Variants in TRDN observed in about 807,000 individuals in gnomAD.
TRDN encodes triadin, also known as triadin in skeletal muscle.
Under a neutral mutation model 149.7 loss-of-function variants are expected in TRDN, and 161 were observed. That is an observed-to-expected ratio of 1.08 (90% confidence interval 0.95 to 1.23). The LOEUF (loss-of-function observed/expected upper bound fraction) is 1.23. Ranked by LOEUF, TRDN falls within the 50% of genes most tolerant of loss-of-function variation. The pLI is 0.00. For synonymous variants in TRDN, 294 were observed against 250.5 expected, an observed-to-expected ratio of 1.17 and a Z score of -1.64; for missense variants, 896 against 823.5, an observed-to-expected ratio of 1.09 and a Z score of -1.08.
chr6:123,218,464 C>T lies in TRDN; in HGVS notation c.*137G>A, dbSNP rs361509. On this transcript the variant is annotated 3_prime_UTR_variant, in exon 41 of 41. Transcript: ENST00000334268. ...ACTCAATCCATTTGGCCACCCTTTC[C>T]GTCCACACCAGGCCAAAGAGCAAAA... 0.44 allele frequency: 441,399 copies of T among 995,068 alleles called. 100,017 individuals carry two copies. The highest frequency in any genetic ancestry group is 0.57 in the Admixed American group (19,406 of 33,960). The allele number at this position is 995,068 out of a possible 1,614,324, so 61.6% of individuals were successfully genotyped here.
intron 2 of TRDN, among the ~76,000 whole-genome samples, chr6:123,566,443 G>A (rs891622573): frequency 6.6e-5 from 10 of 152,166 alleles, no homozygotes; most frequent in African/African-American, 2.2e-4. Flanking sequence ...AAAATAGGGG[G>A]AATTGTAAAG....
intron 15 of TRDN, 101 bp downstream of exon 15, chr6:123,382,017 A>G (rs1297048670): frequency 1.5e-5 from 12 of 781,096 alleles, no homozygotes; most frequent in South Asian, 4.3e-5. Flanking sequence ...CTTCTCCTCT[A>G]TCCCACACAT....
chr6:123,345,801 G>A (rs113102842), intron 21 of TRDN, among the ~76,000 whole-genome samples: 63 of 151,890 alleles, frequency 4.1e-4, no homozygotes, highest in South Asian at 1.2e-3. Flanking sequence ...TATGTTTTTG[G>A]TGCCAATATA....
At chr6:123,366,288 G>T in intron 19 of TRDN, 106 bp from the exon 20 acceptor site, 1 of 1,002,764 alleles carries the variant, frequency 1.0e-6, no homozygotes, top group Non-Finnish European at 1.5e-6. Context: ...TGTTGCACAT[G>T]AGAGCAAAGC....
intron 20 of TRDN, among the ~76,000 whole-genome samples, chr6:123,353,724 A>T (rs7341199): frequency 0.016 from 2,392 of 151,904 alleles, 64 homozygotes; most frequent in African/African-American, 0.054. Context: ...AAAAACAGAT[A>T]TCCAAAAATT....
At chr6:123,328,162 C>A (rs1779529547) in intron 23 of TRDN, among the ~76,000 whole-genome samples, 1 of 152,192 alleles carries the variant, frequency 6.6e-6, no homozygotes, top group Non-Finnish European at 1.5e-5. Context: ...GTTCTTCATT[C>A]CTTCTCTCAC....
intron 1 of TRDN, among the ~76,000 whole-genome samples, chr6:123,603,220 C>G (rs1358575985): frequency 1.8e-5 from 1 of 54,388 alleles, no homozygotes; most frequent in South Asian, 5.6e-4. Context: ...AATGAACAGG[C>G]TGATTTAGTC....
chr6:123,477,226 A>C (rs1246125446), intron 9 of TRDN, among the ~76,000 whole-genome samples: 2 of 129,088 alleles, frequency 1.5e-5, no homozygotes, highest in African/African-American at 5.8e-5. Flanking sequence ...AAAAACAAAC[A>C]ACCCCATCAA....
At chr6:123,247,780 T>C (rs1220460810) in intron 38 of TRDN, among the ~76,000 whole-genome samples, 1 of 152,146 alleles carries the variant, frequency 6.6e-6, no homozygotes, top group Non-Finnish European at 1.5e-5. Flanking sequence ...GAAAAGAGCC[T>C]GTATAGTCAA....
At chr6:123,351,992 T>A in intron 21 of TRDN, 2 of 976,830 alleles carry the variant, frequency 2.0e-6, no homozygotes, top group Non-Finnish European at 2.4e-6. Flanking sequence ...ATGCATTAAC[T>A]ATTTTATACC....
chr6:123,241,212 A>G (rs946056458), intron 38 of TRDN, among the ~76,000 whole-genome samples: 2 of 151,444 alleles, frequency 1.3e-5, no homozygotes, highest in Admixed American at 1.3e-4. Context: ...TTGGGAAAAT[A>G]TAATCAATAA....
chr6:123,379,825 A>G (rs556313457), intron 16 of TRDN, among the ~76,000 whole-genome samples: 1 of 152,300 alleles, frequency 6.6e-6, no homozygotes, highest in Admixed American at 6.5e-5. Context: ...AAAAAATTAT[A>G]GCTCACAAAC....
chr6:123,326,481 T>C (rs925652908), intron 23 of TRDN, among the ~76,000 whole-genome samples: 2 of 112,638 alleles, frequency 1.8e-5, no homozygotes, highest in Non-Finnish European at 3.8e-5. Context: ...ATTTCTACTT[T>C]TTAAAATATT....
intron 10 of TRDN, among the ~76,000 whole-genome samples, chr6:123,448,484 C>A (rs1364021371): frequency 6.6e-6 from 1 of 152,044 alleles, no homozygotes; most frequent in South Asian, 2.1e-4. Context: ...TCCCTGTCAA[C>A]CTGCATGACT....
intron 24 of TRDN, among the ~76,000 whole-genome samples, chr6:123,289,302 A>T (rs1473457844): frequency 6.6e-6 from 1 of 151,926 alleles, no homozygotes; most frequent in Non-Finnish European, 1.5e-5. Context: ...GAGAATAGGA[A>T]GGTGGTTACC....
At chr6:123,316,316 A>G (rs1779018698) in intron 24 of TRDN, 141 bp downstream of exon 24, 3 of 773,480 alleles carry the variant, frequency 3.9e-6, no homozygotes, top group African/African-American at 1.8e-5. Context: ...TGTAAAATAT[A>G]TGGCACATAG....
chr6:123,417,053 A>G (rs1773687209), intron 12 of TRDN, among the ~76,000 whole-genome samples: 1 of 152,184 alleles, frequency 6.6e-6, no homozygotes, highest in South Asian at 2.1e-4. Flanking sequence ...AAAGGACTCA[A>G]TAAGTGAACA....
intron 8 of TRDN, among the ~76,000 whole-genome samples, chr6:123,501,552 AAATCTTT>A (rs1470762946): frequency 6.6e-6 from 1 of 152,086 alleles, no homozygotes; most frequent in African/African-American, 2.4e-5. Flanking sequence ...GCTCTTAATT[AAATCTTT>A]GCTTAGTAAC....
intron 4 of TRDN, 44 bp downstream of exon 4, chr6:123,547,296 C>T: frequency 8.1e-7 from 1 of 1,237,262 alleles, no homozygotes; most frequent in African/African-American, 1.6e-5. Flanking sequence ...ACCAATATTA[C>T]CATAAGAGAA....
Sources: gnomAD v4.1 joint callset for allele counts (sites outside exome capture counted in the v4.1 genomes callset) on GRCh38, gnomAD v4.1.1 for gene constraint, MANE v1.5 for transcripts, NCBI Gene and HGNC (gene_info 2026-07-23, HGNC 2026-07-21) for gene names.